Variants in ZNF562 observed in about 807,000 individuals in gnomAD.
ZNF562 encodes the protein zinc finger protein 562.
ZNF562 carries 13 observed loss-of-function variants against 17.5 expected under a neutral mutation model. The ratio of observed to expected loss-of-function variants is 0.74; its 90% CI spans 0.48 to 1.18. ZNF562 has a LOEUF of 1.18. Ranked by LOEUF, ZNF562 falls within the 50% of genes most tolerant of loss-of-function variation. The probability of loss-of-function intolerance (pLI) is 0.00; values close to 1 mark genes in which losing one functional copy is unlikely to be tolerated. For synonymous variants in ZNF562, 163 were observed against 165.4 expected (o/e 0.99, Z 0.11); for missense variants, 481 against 498.5 (o/e 0.96, Z 0.33).
At position 9,642,290 on chromosome 19, in the gene ZNF562, A is replaced by G. The variant is rs949088255; in HGVS notation, c.*10659T>C. 13 of 150,966 alleles carry G rather than the reference A, an allele frequency of 8.6e-5. No homozygotes were observed. The highest frequency in any genetic ancestry group is 2.9e-4 in the African/African-American group (12 of 40,956). The allele number at this position is 150,966 out of a possible 1,614,324, so 9.4% of individuals were successfully genotyped here. On this transcript the variant is annotated 3_prime_UTR_variant, in exon 6 of 6. Coordinates refer to ENST00000453372, the MANE Select transcript of ZNF562 (RefSeq NM_001130031.2). ...AAATTACATTCTTTTTTTTCTTTAA[A>G]AAAAAAAAAAAAAACAGGGTTTCAC...
At chr19:9,671,690 A>C (rs1479132265) in intron 1 of ZNF562, among the ~76,000 whole-genome samples, 2 of 152,204 alleles carry the variant, frequency 1.3e-5, no homozygotes, top group Non-Finnish European at 2.9e-5. Context: ...ACCCAGTGAT[A>C]CTCAACGTGT....
intron 5 of ZNF562, among the ~76,000 whole-genome samples, chr19:9,655,097 C>G (rs912767452): frequency 1.3e-5 from 2 of 152,130 alleles, no homozygotes; most frequent in Admixed American, 6.6e-5. Context: ...CTCAAGCCAT[C>G]ATCCTGCCTC....
At chr19:9,658,381 C>A in intron 3 of ZNF562, 3 of 982,432 alleles carry the variant, frequency 3.1e-6, no homozygotes, top group Non-Finnish European at 3.6e-6. Context: ...CAGAGTTTTG[C>A]TCTTTTTGCC....
chr19:9,657,454 A>G (rs933001198), intron 4 of ZNF562, among the ~76,000 whole-genome samples: 1 of 151,876 alleles, frequency 6.6e-6, no homozygotes, highest in African/African-American at 2.4e-5. Context: ...CAGAACTGGT[A>G]GTTTTGTTTG....
At chr19:9,669,726 G>GCACACACACACA (rs1190709144) in intron 1 of ZNF562, among the ~76,000 whole-genome samples, 1 of 85,054 alleles carries the variant, frequency 1.2e-5, no homozygotes, top group African/African-American at 4.6e-5. Flanking sequence ...GAGCGCGCGC[G>GCACACACACACA]CGCGCGCGCA....
chr19:9,645,492 A>C lies in ZNF562; in HGVS notation c.*7457T>G, dbSNP rs1437104127. 6.6e-6 allele frequency: 1 copy of C among 152,236 alleles called. No homozygotes were observed. Among genetic ancestry groups the C allele is most frequent in the Non-Finnish European group, 1.5e-5 (1 of 68,046 alleles). 9.4% of individuals were successfully genotyped at this position (152,236 alleles called of 1,614,324 possible). ...GTAATAAACAGCCACAAAAATTACTAGCTGAAAACAGCAGCTACTTAATTA... is the reference window on the plus strand; with the variant it reads ...GTAATAAACAGCCACAAAAATTACTCGCTGAAAACAGCAGCTACTTAATTA... On this transcript the variant is annotated 3_prime_UTR_variant, in exon 6 of 6. Coordinates refer to ENST00000453372, the MANE Select transcript of ZNF562 (RefSeq NM_001130031.2).
chr19:9,651,626 C>G lies in ZNF562; in HGVS notation c.*1323G>C, dbSNP rs1478004168. On this transcript the variant is annotated 3_prime_UTR_variant, in exon 6 of 6. Transcript: ENST00000453372. ...CAGGGCAGAAAACTGGAAAACTGCT[C>G]AAGGCATTCCTAAACCACAAACAAT... 6.6e-6 allele frequency: 1 copy of G among 152,204 alleles called. No homozygotes were observed. Among genetic ancestry groups the G allele is most frequent in the Non-Finnish European group, 1.5e-5 (1 of 68,052 alleles). The allele number at this position is 152,204 out of a possible 1,614,324, so 9.4% of individuals were successfully genotyped here. A position where few individuals can be genotyped will look rare whatever the true frequency, so the allele number is the denominator to read the frequency against.
chr19:9,668,813 C>CTAGGTTTG (rs2044043392), intron 1 of ZNF562, among the ~76,000 whole-genome samples: 1 of 152,100 alleles, frequency 6.6e-6, no homozygotes. Context: ...AAATACAAAT[C>CTAGGTTTG]TACACATGTA....
chr19:9,668,439 T>C (rs1230853152), intron 1 of ZNF562, among the ~76,000 whole-genome samples: 1 of 151,630 alleles, frequency 6.6e-6, no homozygotes, highest in African/African-American at 2.4e-5. Context: ...AGGAAAACTA[T>C]AAAACACTGA....
chr19:9,651,603 G>C lies in ZNF562; in HGVS notation c.*1346C>G, dbSNP rs1428202089. 10 of 152,316 alleles carry C rather than the reference G, an allele frequency of 6.6e-5. No homozygotes were observed. The East Asian group carries it at 1.5e-3, about 24-fold the overall frequency. The allele number at this position is 152,316 out of a possible 1,614,324, so 9.4% of individuals were successfully genotyped here. On this transcript the variant is annotated 3_prime_UTR_variant, in exon 6 of 6. Transcript: ENST00000453372. ...GGGCAAGCAACACCTGGCCCACCCA[G>C]GGCAGAAAACTGGAAAACTGCTCAA... is the stretch of plus-strand genomic sequence containing the variant.
At chr19:9,657,735 G>A (rs772553876) in intron 4 of ZNF562, among the ~76,000 whole-genome samples, 1 of 151,832 alleles carries the variant, frequency 6.6e-6, no homozygotes, top group Non-Finnish European at 1.5e-5. Context: ...TTTTAGTAGA[G>A]ACAGGGTTTC....
At chr19:9,655,838 T>C (rs774800821) in intron 5 of ZNF562, among the ~76,000 whole-genome samples, 1 of 145,086 alleles carries the variant, frequency 6.9e-6, no homozygotes, top group Non-Finnish European at 1.5e-5. Context: ...GGGTAAGCAA[T>C]TGTCCTGCCT....
intron 1 of ZNF562, among the ~76,000 whole-genome samples, chr19:9,663,802 AAGTAGCTGGGACTACAGGACTCCAG>A (rs1475516027): frequency 6.6e-6 from 1 of 151,702 alleles, no homozygotes; most frequent in African/African-American, 2.4e-5. Flanking sequence ...TCAGCCTCTC[AAGTAGCTGGGACTACAGGACTCCAG>A]AGTAGCTGGG....
intron 1 of ZNF562, among the ~76,000 whole-genome samples, chr19:9,674,446 T>C (rs2044323390): frequency 6.7e-6 from 1 of 148,236 alleles, no homozygotes; most frequent in African/African-American, 2.5e-5. Flanking sequence ...ACCCGGGAGG[T>C]GAAAGTTGCA....
intron 1 of ZNF562, among the ~76,000 whole-genome samples, chr19:9,674,064 G>A (rs982415611): frequency 1.3e-5 from 2 of 152,246 alleles, no homozygotes; most frequent in Admixed American, 6.5e-5. Flanking sequence ...GGGAGGGGAA[G>A]GGGTTCTTAT....
At chr19:9,660,369 G>A (rs2043690322) in intron 2 of ZNF562, among the ~76,000 whole-genome samples, 4 of 152,098 alleles carry the variant, frequency 2.6e-5, no homozygotes, top group Admixed American at 2.0e-4. Context: ...GCTCATGCCT[G>A]TAATTCCAAC....
At chr19:9,660,649 C>T in intron 2 of ZNF562, 71 bp downstream of exon 2, 1 of 1,501,276 alleles carries the variant, frequency 6.7e-7, no homozygotes, top group Admixed American at 1.9e-5. Flanking sequence ...AGGCCCAGCT[C>T]ACTGGACTCT....
chr19:9,658,981 C>T (rs1331841129), intron 3 of ZNF562, among the ~76,000 whole-genome samples: 1 of 152,162 alleles, frequency 6.6e-6, no homozygotes, highest in Non-Finnish European at 1.5e-5. Flanking sequence ...CACAAACAGG[C>T]TAGGAGCTCT....
At chr19:9,664,204 G>A (rs1314079214) in intron 1 of ZNF562, among the ~76,000 whole-genome samples, 2 of 152,150 alleles carry the variant, frequency 1.3e-5, no homozygotes, top group African/African-American at 2.4e-5. Flanking sequence ...AAGTAGCTGC[G>A]ATTACAGGCA....
Sources: allele counts gnomAD v4.1 joint callset (sites outside exome capture counted in the v4.1 genomes callset), GRCh38; gene constraint gnomAD v4.1.1; transcripts MANE v1.5; gene names NCBI Gene and HGNC (gene_info 2026-07-23, HGNC 2026-07-21).